Variants in PRCP observed in about 807,000 individuals in gnomAD.
PRCP encodes the protein lysosomal Pro-X carboxypeptidase.
PRCP carries 46 observed loss-of-function variants against 54.2 expected under a neutral mutation model. The observed-to-expected ratio is 0.85, with a 90% CI of 0.67 to 1.09. The LOEUF (loss-of-function observed/expected upper bound fraction) is 1.09, where lower values mean the gene tolerates loss of function less well. PRCP is among the 50% of genes least tolerant of loss of function. The probability of loss-of-function intolerance (pLI) is 0.00; values close to 1 mark genes in which losing one functional copy is unlikely to be tolerated. For synonymous variants in PRCP, 240 were observed against 212.2 expected (o/e 1.13, Z -1.14); for missense variants, 613 against 596.8 (o/e 1.03, Z -0.28).
rs1860243169 is a variant in PRCP, at chr11:82,900,342, C to T, written c.61G>A (p.Ala21Thr). The T allele has an allele frequency of 1.9e-6, 3 of 1,614,150 alleles. No homozygotes were observed. The highest frequency in any genetic ancestry group is 2.5e-6 in the Non-Finnish European group (3 of 1,179,994). The change falls in exon 1 of 9, where the codon GCC becomes ACC. Residue 21 changes from alanine (A) to threonine (T), a missense_variant. Physicochemically the swap from Ala to Thr is moderately conservative, Grantham distance 58 (BLOSUM62 0). Coordinates refer to ENST00000313010, the MANE Select transcript of PRCP (RefSeq NM_005040.4). The stretch of plus-strand genomic sequence containing the variant: ...AGGGCCCTTAAGGCCGGCCGGAGGG[C>T]TATGGTGGCCCAGGGCGCCAGAAAA... Reference protein sequence around the residue: ...LSFLAPWATIALRPALRALGS... With the variant: ...LSFLAPWATITLRPALRALGS...
At chr11:82,856,471 T>A (rs1859083785) in intron 2 of PRCP, among the ~76,000 whole-genome samples, 1 of 152,096 alleles carries the variant, frequency 6.6e-6, no homozygotes. Context: ...AAACACTGAA[T>A]ACACATGGAC....
chr11:82,827,736 T>C (rs1241474119), intron 8 of PRCP: 1 of 152,174 alleles, frequency 6.6e-6, no homozygotes, highest in Non-Finnish European at 1.5e-5. Flanking sequence ...TTTTGGCTAT[T>C]CTGGGTCCCA....
At position 82,825,102 on chromosome 11, in the gene PRCP, C is replaced by T. The variant is rs1465379240; in HGVS notation, c.1295G>A (p.Trp432Ter). ...ATCCTTAGTTACTCCACCTCCTGAC[C>T]AGGGGTCTAGTTCACCATTGCTGCA... ...IVFSNGELDP[W>*]SGGGVTKDIT... Residue 432 changes from tryptophan to a stop codon, truncating the protein, a stop_gained, in exon 9 of 9, where the codon TGG (tryptophan) becomes TAG (stop). Coordinates refer to ENST00000313010, the MANE Select transcript of PRCP (RefSeq NM_005040.4). LOFTEE classifies it high-confidence loss of function. 6.2e-7 allele frequency: 1 copy of T among 1,613,620 alleles called. No individual in the cohort carries two copies. The highest frequency in any genetic ancestry group is 8.5e-7 in the Non-Finnish European group (1 of 1,179,852).
intron 1 of PRCP, among the ~76,000 whole-genome samples, 174 bp from the exon 2 acceptor site, chr11:82,860,291 C>A (rs1392096688): frequency 6.6e-6 from 1 of 151,738 alleles, no homozygotes; most frequent in Admixed American, 6.6e-5. Flanking sequence ...ATTTTGAAAT[C>A]ATTTCCTTAT....
rs752349532 is a variant in PRCP at position 82,889,392 on chromosome 11, GGAA to G, written c.168+10840_168+10842del. Among the ~76,000 whole-genome samples the G allele has an allele frequency of 2.4e-4, 37 of 151,122 alleles. No individual in the cohort carries two copies. The East Asian group carries it at 3.9e-3, about 16-fold the overall frequency. ...AAAAAAACCAACAAAATAAAAAAGAGGAAGAAGAAGAAGGAGAAGGAGGAGGGA... is the reference window on the plus strand; with the variant it reads ...AAAAAAACCAACAAAATAAAAAAGAGGAAGAAGAAGGAGAAGGAGGAGGGA... On this transcript the variant is annotated intron_variant, in intron 1 of 8. Transcript: ENST00000313010.
At chr11:82,833,939 C>A (rs953751885) in intron 8 of PRCP, among the ~76,000 whole-genome samples, 1 of 151,990 alleles carries the variant, frequency 6.6e-6, no homozygotes, top group African/African-American at 2.4e-5. Context: ...CAAAATATGC[C>A]CCCTTCTCCA....
At chr11:82,849,681 G>C (rs558000951) in intron 5 of PRCP, among the ~76,000 whole-genome samples, 3 of 152,312 alleles carry the variant, frequency 2.0e-5, no homozygotes, top group Non-Finnish European at 4.4e-5. Context: ...AAGGCACGAG[G>C]AGATTTCTGA....
intron 1 of PRCP, among the ~76,000 whole-genome samples, chr11:82,882,527 G>A (rs1014571068): frequency 7.5e-6 from 1 of 133,674 alleles, no homozygotes; most frequent in Non-Finnish European, 1.5e-5. Flanking sequence ...ACGGAGTCTC[G>A]CTCTGTCGCC....
At chr11:82,832,366 T>C (rs566211774) in intron 8 of PRCP, among the ~76,000 whole-genome samples, 1 of 152,344 alleles carries the variant, frequency 6.6e-6, no homozygotes, top group Non-Finnish European at 1.5e-5. Context: ...CCAGTATCTG[T>C]TGTTTCCTGA....
At chr11:82,883,495 A>C (rs1464315677) in intron 1 of PRCP, among the ~76,000 whole-genome samples, 1 of 152,212 alleles carries the variant, frequency 6.6e-6, no homozygotes, top group East Asian at 1.9e-4. Flanking sequence ...TAAATATTAG[A>C]GTTTTTCTGG....
In PRCP at chr11:82,823,158, A is replaced by AGAATAATGTAACTCATCC. The variant is rs1858136918; in HGVS notation, c.*1730_*1747dup. 1.3e-5 allele frequency among the ~76,000 whole-genome samples: 2 copies of AGAATAATGTAACTCATCC among 152,230 alleles called. No homozygotes were observed. The highest frequency in any genetic ancestry group is 2.9e-5 in the Non-Finnish European group (2 of 68,042). On this transcript the variant is annotated 3_prime_UTR_variant, in exon 9 of 9. Coordinates refer to ENST00000313010, the MANE Select transcript of PRCP (RefSeq NM_005040.4). ...TCTATTTTTTGCAGTTTGTTTCTTC[A>AGAATAATGTAACTCATCC]GAATAATGTAACTCATCCAAATAAT...
chr11:82,856,805 T>C (rs1239354899), intron 2 of PRCP, among the ~76,000 whole-genome samples: 1 of 151,866 alleles, frequency 6.6e-6, no homozygotes, highest in Admixed American at 6.6e-5. Flanking sequence ...TCCCAACACT[T>C]TGGGAGGCCG....
At chr11:82,856,090 G>T (rs1859076095) in intron 2 of PRCP, among the ~76,000 whole-genome samples, 1 of 152,020 alleles carries the variant, frequency 6.6e-6, no homozygotes, top group Admixed American at 6.5e-5. Context: ...TTGATTACTT[G>T]AGTCCAGGAG....
At chr11:82,826,206 C>T (rs1435583745) in intron 8 of PRCP, 7 of 152,204 alleles carry the variant, frequency 4.6e-5, no homozygotes, top group Non-Finnish European at 7.3e-5. Flanking sequence ...ACATTTCATA[C>T]AAATGGAATT....
At chr11:82,854,502 AAAC>A (rs1207751803) in intron 2 of PRCP, among the ~76,000 whole-genome samples, 1 of 152,194 alleles carries the variant, frequency 6.6e-6, no homozygotes, top group East Asian at 1.9e-4. Flanking sequence ...AAGGCATCAG[AAAC>A]AACACAAAGA....
chr11:82,851,327 G>A (rs551291308), intron 3 of PRCP, among the ~76,000 whole-genome samples: 1 of 151,912 alleles, frequency 6.6e-6, no homozygotes, highest in African/African-American at 2.4e-5. Flanking sequence ...ATAATGATAT[G>A]TGACTACCAA....
rs2121031204 is a variant in PRCP at position 82,823,353 on chromosome 11, C to G, written c.*1553G>C. 6.6e-6 allele frequency: 1 copy of G among 152,078 alleles called. No homozygotes were observed. Among genetic ancestry groups the G allele is most frequent in the Non-Finnish European group, 1.5e-5 (1 of 67,986 alleles). 9.4% of individuals were successfully genotyped at this position (152,078 alleles called of 1,614,324 possible). The stretch of plus-strand genomic sequence containing the variant: ...TAGTATTGTTTTGGCCCTTAAATTC[C>G]CACCCAAATCGATTGTTCTGTGATG... On this transcript the variant is annotated 3_prime_UTR_variant, in exon 9 of 9. Transcript: ENST00000313010.
At chr11:82,891,912 A>C (rs1860016151) in intron 1 of PRCP, among the ~76,000 whole-genome samples, 1 of 152,232 alleles carries the variant, frequency 6.6e-6, no homozygotes, top group Admixed American at 6.5e-5. Flanking sequence ...TTGGGCTAAC[A>C]ATATTCCATT....
intron 1 of PRCP, among the ~76,000 whole-genome samples, chr11:82,870,703 T>C (rs182988398): frequency 6.6e-6 from 1 of 152,244 alleles, no homozygotes; most frequent in East Asian, 1.9e-4. Context: ...TCCATAAAGC[T>C]CCTGAGGTTG....
Sources: gnomAD v4.1 joint callset for allele counts (sites outside exome capture counted in the v4.1 genomes callset) on GRCh38, gnomAD v4.1.1 for gene constraint, MANE v1.5 for transcripts, NCBI Gene and HGNC (gene_info 2026-07-23, HGNC 2026-07-21) for gene names.